Variants in SDC3 observed in about 807,000 individuals in gnomAD.
The protein encoded by SDC3 is syndecan-3.
SDC3 carries 13 observed loss-of-function variants against 24.4 expected under a neutral mutation model. The ratio of observed to expected loss-of-function variants is 0.53; its 90% CI spans 0.35 to 0.85. The LOEUF (loss-of-function observed/expected upper bound fraction) is 0.85. Ranked by LOEUF, SDC3 falls within the 40% of genes least tolerant of loss-of-function variation. The pLI is 0.01. For synonymous variants in SDC3, 295 were observed against 260.9 expected, an observed-to-expected ratio of 1.13 and a Z score of -1.26; for missense variants, 571 against 584.5, an observed-to-expected ratio of 0.98 and a Z score of 0.24.
At position 30,876,591 on chromosome 1, in the gene SDC3, G is replaced by C. The variant is rs1639640670; in HGVS notation, c.831C>G (p.Pro277=). The change falls in exon 3 of 5, where the codon CCC becomes CCG. Residue 277 remains proline, a synonymous_variant. Transcript: ENST00000339394. ...TGGGTCCAGGGGCAGTGGTCCCCAG[G>C]GGCAGGGTGCTCCTCTCAGGGATGT... is the stretch of plus-strand genomic sequence containing the variant. The part of the protein sequence containing the change: ...EPDIPERSTL[P]LGTTAPGPTE... 1.3e-6 allele frequency: 2 copies of C among 1,536,002 alleles called. No homozygotes were observed. The highest frequency in any genetic ancestry group is 1.8e-6 in the Non-Finnish European group (2 of 1,141,804).
At chr1:30,899,482 C>A (rs991009144) in intron 1 of SDC3, among the ~76,000 whole-genome samples, 21 of 152,226 alleles carry the variant, frequency 1.4e-4, no homozygotes, top group African/African-American at 5.1e-4. Context: ...TCAAGCAATT[C>A]TCTGCCTCAG....
At chr1:30,896,714 C>T (rs1274058519) in intron 1 of SDC3, among the ~76,000 whole-genome samples, 1 of 152,250 alleles carries the variant, frequency 6.6e-6, no homozygotes, top group South Asian at 2.1e-4. Context: ...TTGGGCTCAG[C>T]ATTTTGGGAG....
At chr1:30,884,979 T>C (rs1639807497) in intron 1 of SDC3, among the ~76,000 whole-genome samples, 3 of 152,226 alleles carry the variant, frequency 2.0e-5, no homozygotes, top group African/African-American at 4.8e-5. Flanking sequence ...CATAAATGTG[T>C]CATAGAAGGC....
intron 2 of SDC3, 105 bp downstream of exon 2, chr1:30,878,518 T>C (rs1387048517): frequency 2.4e-6 from 2 of 834,150 alleles, no homozygotes; most frequent in East Asian, 4.9e-5. Flanking sequence ...AGGCAGTGAA[T>C]GCCCCCTGCC....
chr1:30,873,330 C>A lies in SDC3; in HGVS notation c.1210G>T (p.Val404Phe), dbSNP rs778545636. ...VVGALFAAFL[V>F]TLLIYRMKKK... The stretch of plus-strand genomic sequence containing the variant: ...TTCATACGATAGATGAGCAGTGTGA[C>A]CAAGAAGGCAGCAAAGAGGGCGCCC... Residue 404 changes from valine to phenylalanine, a missense_variant, in exon 5 of 5, where the codon GTC (valine) becomes TTC (phenylalanine). By Grantham distance (50) the Val-to-Phe change is conservative. Around this residue, in one of 2 missense-constraint regions of SDC3, gnomAD observed 74 missense variants for 112.9 expected, o/e 0.66. Coordinates refer to ENST00000339394, the MANE Select transcript of SDC3 (RefSeq NM_014654.4). 1 of 1,613,684 alleles carries A rather than the reference C, an allele frequency of 6.2e-7. No homozygotes were observed. Among genetic ancestry groups the A allele is most frequent in the Non-Finnish European group, 8.5e-7 (1 of 1,179,626 alleles).
intron 1 of SDC3, among the ~76,000 whole-genome samples, chr1:30,887,185 G>A (rs1043739659): frequency 1.3e-5 from 2 of 151,212 alleles, no homozygotes; most frequent in African/African-American, 2.4e-5. Flanking sequence ...GGCACCCCCT[G>A]CCCCCACCAT....
intron 1 of SDC3, 129 bp from the exon 2 acceptor site, chr1:30,878,869 C>T (rs1639694101): frequency 1.4e-6 from 1 of 729,402 alleles, no homozygotes; most frequent in East Asian, 2.5e-5. Flanking sequence ...TTGTGTGTAC[C>T]CTGAAGGAAA....
At chr1:30,875,803 G>A (rs528933751) in intron 3 of SDC3, among the ~76,000 whole-genome samples, 11 of 152,140 alleles carry the variant, frequency 7.2e-5, no homozygotes, top group South Asian at 2.1e-4. Context: ...CGCTGGCTGC[G>A]GAGCCTTGGG....
rs1221249597 is a variant in SDC3 at position 30,877,071 on chromosome 1, C to T, written c.351G>A (p.Thr117=). ...VSTTPAVLPT[T]NIQPVGTPFE... is the part of the protein sequence containing the mutation. ...ATGGTGTGCCCACAGGCTGGATGTT[C>T]GTGGTGGGCAGCACCGCAGGTGTGG... is the stretch of plus-strand genomic sequence containing the variant. Residue 117 remains threonine (T), a synonymous_variant, in exon 3 of 5, where the codon ACG becomes ACA. Coordinates refer to ENST00000339394, the MANE Select transcript of SDC3 (RefSeq NM_014654.4). The T allele has an allele frequency of 2.5e-6, 4 of 1,613,770 alleles. No individual in the cohort carries two copies. The highest frequency in any genetic ancestry group is 1.7e-5 in the Admixed American group (1 of 59,978).
chr1:30,887,218 G>C (rs953466508), intron 1 of SDC3, among the ~76,000 whole-genome samples: 1 of 151,808 alleles, frequency 6.6e-6, no homozygotes, highest in African/African-American at 2.4e-5. Context: ...GGTGCCTCTA[G>C]GAGTCTGTCT....
At chr1:30,895,701 C>A (rs1226250496) in intron 1 of SDC3, among the ~76,000 whole-genome samples, 2 of 152,258 alleles carry the variant, frequency 1.3e-5, no homozygotes, top group Admixed American at 6.5e-5. Context: ...CCTAACTACC[C>A]CCTCAGCCCT....
At chr1:30,902,909 C>T (rs1638443761) in intron 1 of SDC3, among the ~76,000 whole-genome samples, 1 of 152,244 alleles carries the variant, frequency 6.6e-6, no homozygotes. Flanking sequence ...CCATAGCTCA[C>T]AGTCCCGGCT....
chr1:30,879,329 A>G (rs1639703120), intron 1 of SDC3, among the ~76,000 whole-genome samples: 1 of 152,198 alleles, frequency 6.6e-6, no homozygotes, highest in South Asian at 2.1e-4. Context: ...ACACACACAT[A>G]GTCTCAAAGT....
At position 30,873,351 on chromosome 1, in the gene SDC3, C is replaced by T. The variant is rs146077490; in HGVS notation, c.1189G>A (p.Ala397Thr). The T allele has an allele frequency of 1.2e-4, 189 of 1,613,450 alleles. No individual in the cohort carries two copies. The highest frequency in any genetic ancestry group is 6.7e-4 in the African/African-American group (50 of 74,860). Residue 397 changes from alanine to threonine, a missense_variant, in exon 5 of 5, where the codon GCC becomes ACC. Around this residue, in one of 2 missense-constraint regions of SDC3, gnomAD observed 74 missense variants for 112.9 expected, o/e 0.66. Coordinates refer to ENST00000339394, the MANE Select transcript of SDC3 (RefSeq NM_014654.4). ...VAVIVGGVVGALFAAFLVTLL... is the reference protein window; with the variant it reads ...VAVIVGGVVGTLFAAFLVTLL... ...GTGACCAAGAAGGCAGCAAAGAGGG[C>T]GCCCACCACCCCGCCCACAATCACA...
At chr1:30,894,768 C>T (rs903831069) in intron 1 of SDC3, among the ~76,000 whole-genome samples, 2 of 151,638 alleles carry the variant, frequency 1.3e-5, no homozygotes, top group African/African-American at 2.4e-5. Context: ...CATGCACATG[C>T]ACACATCCAA....
Position 30,908,435 on chromosome 1 carries a change from C to G in SDC3, c.138+14G>C. 9.7e-7 allele frequency: 1 copy of G among 1,032,224 alleles called. No homozygotes were observed. The allele number at this position is 1,032,224 out of a possible 1,614,324, so 63.9% of individuals were successfully genotyped here. On this transcript the variant is annotated intron_variant, in intron 1 of 4. Coordinates refer to ENST00000339394, the MANE Select transcript of SDC3 (RefSeq NM_014654.4). ...CGGGGAGCCGTGGCGGGGATCCGGG[C>G]GCGTGTCACTCACCCCCGCGGCGCG...
intron 1 of SDC3, among the ~76,000 whole-genome samples, chr1:30,906,884 G>T (rs1358764682): frequency 1.3e-5 from 2 of 152,156 alleles, no homozygotes; most frequent in African/African-American, 4.8e-5. Flanking sequence ...TCCCTCCCAG[G>T]GACCTCTTCC....
rs1460319377 is a variant in SDC3, at chr1:30,876,655, G to A, written c.767C>T (p.Pro256Leu). 5.6e-6 allele frequency: 9 copies of A among 1,596,070 alleles called. No individual in the cohort carries two copies. Among genetic ancestry groups the A allele is most frequent in the Non-Finnish European group, 6.0e-6 (7 of 1,170,716 alleles). The change falls in exon 3 of 5, where the codon CCA becomes CTA. Residue 256 changes from proline (P) to leucine (L), a missense_variant. Physicochemically the swap from Pro to Leu is moderately conservative, Grantham distance 98. Around this residue, in one of 2 missense-constraint regions of SDC3, gnomAD observed 497 missense variants for 471.6 expected, o/e 1.05. Coordinates refer to ENST00000339394, the MANE Select transcript of SDC3 (RefSeq NM_014654.4). The part of the protein sequence containing the change: ...PRLVSTATSR[P>L]RALPRPATTQ... ...GGTGGCCGGCCTGGGAAGGGCTCTT[G>A]GCCGGGAGGTAGCTGTGCTGACCAG... is the stretch of plus-strand genomic sequence containing the variant.
chr1:30,883,309 T>C (rs1048894440), intron 1 of SDC3, among the ~76,000 whole-genome samples: 1 of 152,220 alleles, frequency 6.6e-6, no homozygotes, highest in Admixed American at 6.5e-5. Flanking sequence ...GCGCTAATCA[T>C]GTTGCAAAAA....
Sources: gnomAD v4.1 joint callset for allele counts (sites outside exome capture counted in the v4.1 genomes callset) on GRCh38, gnomAD v4.1.1 for gene constraint, gnomAD v4.1.1 regional missense constraint, MANE v1.5 for transcripts, NCBI Gene and HGNC (gene_info 2026-07-23, HGNC 2026-07-21) for gene names.